The following PLXDC2 variants were observed in gnomAD, a reference collection of about 807,000 sequenced individuals.
The protein encoded by PLXDC2 is plexin domain containing 2.
In PLXDC2, 40 loss-of-function variants were observed where a neutral mutation model predicts 68.9. That is an observed-to-expected ratio of 0.58 (90% confidence interval 0.45 to 0.76). The LOEUF is 0.76. Ranked by LOEUF, PLXDC2 falls within the 30% of genes least tolerant of loss-of-function variation. The pLI is 0.00. For synonymous variants in PLXDC2, 243 were observed against 234.2 expected, an observed-to-expected ratio of 1.04 and a Z score of -0.34; for missense variants, 644 against 661.9, an observed-to-expected ratio of 0.97 and a Z score of 0.30.
At chr10:20,082,064 C>CAAAAAAAAAAAAAAAAAAAAAAAAAA (rs1252447303) in intron 4 of PLXDC2, among the ~76,000 whole-genome samples, 9 of 70,134 alleles carry the variant, frequency 1.3e-4, no homozygotes, top group South Asian at 5.3e-4. Flanking sequence ...AAAAAAAAAT[C>CAAAAAAAAAAAAAAAAAAAAAAAAAA]AAAAAAAAAA....
intron 3 of PLXDC2, among the ~76,000 whole-genome samples, chr10:20,050,704 AAC>A (rs1835883521): frequency 6.6e-6 from 1 of 151,966 alleles, no homozygotes; most frequent in African/African-American, 2.4e-5. Flanking sequence ...TAAAAAAAAA[AAC>A]AAAAACAAAA....
intron 4 of PLXDC2, among the ~76,000 whole-genome samples, chr10:20,074,435 AT>A (rs1250618748): frequency 1.3e-5 from 2 of 152,120 alleles, no homozygotes; most frequent in African/African-American, 2.4e-5. Context: ...CCAAAAAAAA[AT>A]ACCTTACTTT....
intron 13 of PLXDC2, among the ~76,000 whole-genome samples, chr10:20,267,496 T>G (rs1835886177): frequency 6.6e-6 from 1 of 152,142 alleles, no homozygotes. Flanking sequence ...TGGTCAATCC[T>G]GAACCATTCT....
At chr10:19,980,251 T>C (rs72789649) in intron 1 of PLXDC2, among the ~76,000 whole-genome samples, 7,966 of 152,314 alleles carry the variant, frequency 0.052, 270 homozygotes, top group Middle Eastern at 0.092. Flanking sequence ...AGTTGAAGGG[T>C]TCAGTATACT....
At chr10:20,159,775 A>G (rs896301714) in intron 6 of PLXDC2, among the ~76,000 whole-genome samples, 1 of 152,178 alleles carries the variant, frequency 6.6e-6, no homozygotes, top group Non-Finnish European at 1.5e-5. Flanking sequence ...CCTAAAATTC[A>G]GTCAAGCCCT....
At chr10:19,954,929 C>A (rs192999264) in intron 1 of PLXDC2, among the ~76,000 whole-genome samples, 3 of 152,108 alleles carry the variant, frequency 2.0e-5, no homozygotes, top group Non-Finnish European at 4.4e-5. Context: ...CTTTCAGGAC[C>A]CTTTTCCTAA....
chr10:19,834,753 A>G (rs552969341), intron 1 of PLXDC2, among the ~76,000 whole-genome samples: 1 of 152,378 alleles, frequency 6.6e-6, no homozygotes, highest in South Asian at 2.1e-4. Context: ...TATTCACTAT[A>G]CAAACATTTG....
intron 1 of PLXDC2, among the ~76,000 whole-genome samples, chr10:19,864,400 A>G (rs1837376622): frequency 6.6e-6 from 1 of 152,288 alleles, no homozygotes; most frequent in Admixed American, 6.5e-5. Flanking sequence ...CACTTCTTAG[A>G]TGAATTCTGA....
intron 2 of PLXDC2, among the ~76,000 whole-genome samples, chr10:20,044,233 CTTTCTTT>C (rs1376680284): frequency 4.7e-4 from 39 of 83,624 alleles, no homozygotes; most frequent in African/African-American, 2.2e-3. Context: ...TTCTTTCTTT[CTTTCTTT>C]CTTTCTTTCT....
chr10:20,056,610 G>T (rs7914064), intron 3 of PLXDC2, among the ~76,000 whole-genome samples: 34,247 of 152,064 alleles, frequency 0.23, 5,116 homozygotes, highest in African/African-American at 0.42. Context: ...GAGCCTTGAG[G>T]ACAGCTGCCT....
chr10:19,985,439 A>C (rs772098492), intron 1 of PLXDC2, among the ~76,000 whole-genome samples: 1 of 152,220 alleles, frequency 6.6e-6, no homozygotes, highest in Non-Finnish European at 1.5e-5. Flanking sequence ...AGTAGTGTTC[A>C]GTTGTTTTCT....
At chr10:20,155,051 T>C (rs570395439) in intron 6 of PLXDC2, among the ~76,000 whole-genome samples, 1 of 152,178 alleles carries the variant, frequency 6.6e-6, no homozygotes, top group South Asian at 2.1e-4. Context: ...TTTAATCTAT[T>C]CTATTTAAGT....
intron 2 of PLXDC2, among the ~76,000 whole-genome samples, chr10:20,034,898 T>G (rs1283244700): frequency 2.0e-5 from 3 of 152,192 alleles, no homozygotes; most frequent in Non-Finnish European, 1.5e-5. Context: ...GTGAAGTAGA[T>G]TATACCATCT....
At chr10:20,170,478 C>T (rs1275765514) in intron 7 of PLXDC2, among the ~76,000 whole-genome samples, 1 of 152,216 alleles carries the variant, frequency 6.6e-6, no homozygotes, top group Non-Finnish European at 1.5e-5. Flanking sequence ...GTGTGAGCCA[C>T]CATGCCCGGC....
chr10:20,074,715 C>A (rs977171279), intron 4 of PLXDC2, among the ~76,000 whole-genome samples: 4 of 152,012 alleles, frequency 2.6e-5, no homozygotes, highest in Non-Finnish European at 5.9e-5. Flanking sequence ...GAATAAAAGG[C>A]TTTTTAGGAG....
intron 1 of PLXDC2, among the ~76,000 whole-genome samples, chr10:19,822,657 A>G (rs889139698): frequency 6.6e-6 from 1 of 152,138 alleles, no homozygotes; most frequent in African/African-American, 2.4e-5. Flanking sequence ...CTTTTTGACA[A>G]TAGCCATCTT....
intron 1 of PLXDC2, among the ~76,000 whole-genome samples, chr10:19,893,903 G>A (rs561948066): frequency 6.6e-6 from 1 of 152,310 alleles, no homozygotes; most frequent in East Asian, 1.9e-4. Flanking sequence ...TTCATGAGTA[G>A]AGTTTAGTAA....
chr10:19,819,136 A>G (rs1409005321), intron 1 of PLXDC2, among the ~76,000 whole-genome samples: 2 of 152,194 alleles, frequency 1.3e-5, no homozygotes, highest in Admixed American at 1.3e-4. Flanking sequence ...AAGATTGGCC[A>G]TATAATTAAA....
At chr10:19,876,437 A>G (rs531556080) in intron 1 of PLXDC2, among the ~76,000 whole-genome samples, 35 of 152,068 alleles carry the variant, frequency 2.3e-4, no homozygotes, top group African/African-American at 8.4e-4. Context: ...CAATTTTTAG[A>G]GAGGAAACAA....
Sources: allele counts gnomAD v4.1 joint callset (sites outside exome capture counted in the v4.1 genomes callset), GRCh38; gene constraint gnomAD v4.1.1; transcripts MANE v1.5; gene names NCBI Gene and HGNC (gene_info 2026-07-23, HGNC 2026-07-21).